Variants in HSPA12A observed in about 807,000 individuals in gnomAD.
HSPA12A encodes the protein heat shock protein family A (Hsp70) member 12A, also known as heat shock 70 kDa protein 12A.
Under a neutral mutation model 69.2 loss-of-function variants are expected in HSPA12A, and 28 were observed. The observed-to-expected ratio is 0.40, with a 90% confidence interval of 0.30 to 0.55. The LOEUF is 0.55. Ranked by LOEUF, HSPA12A falls within the 20% of genes least tolerant of loss-of-function variation. HSPA12A has a pLI of 0.38. For synonymous variants in HSPA12A, 345 were observed against 370.5 expected (o/e 0.93, Z 0.79); for missense variants, 686 against 900.7 (o/e 0.76, Z 3.05).
chr10:116,698,792 C>T (rs1554881250), intron 4 of HSPA12A, 53 bp from the exon 5 acceptor site: 7 of 1,438,912 alleles, frequency 4.9e-6, no homozygotes, highest in Admixed American at 1.7e-5. Flanking sequence ...AGAAACATGT[C>T]TCCTGGCTTT....
chr10:116,820,635 C>T (rs1845394743), intron 2 of HSPA12A, among the ~76,000 whole-genome samples: 1 of 152,050 alleles, frequency 6.6e-6, no homozygotes, highest in South Asian at 2.1e-4. Flanking sequence ...ATTGCTGTGG[C>T]TCTGAATGTG....
intron 3 of HSPA12A, among the ~76,000 whole-genome samples, chr10:116,704,921 C>A (rs1161710482): frequency 6.6e-6 from 1 of 152,216 alleles, no homozygotes; most frequent in Non-Finnish European, 1.5e-5. Flanking sequence ...ACTGCCCAGG[C>A]CCCTCCCCAG....
At chr10:116,728,148 G>A (rs1223365549) in intron 1 of HSPA12A, among the ~76,000 whole-genome samples, 1 of 151,988 alleles carries the variant, frequency 6.6e-6, no homozygotes, top group Non-Finnish European at 1.5e-5. Flanking sequence ...TCACCATGTT[G>A]GCCAGGCTGG....
chr10:116,768,305 C>T (rs531020440), intron 2 of HSPA12A, among the ~76,000 whole-genome samples: 2 of 152,246 alleles, frequency 1.3e-5, no homozygotes, highest in Admixed American at 1.3e-4. Context: ...GTAGGCAAAT[C>T]CATAGAGACA....
rs138518031 is a variant in HSPA12A at position 116,821,942 on chromosome 10, C to A, written c.91+12993G>T. Among the ~76,000 whole-genome samples, 36 of 152,324 alleles carry A rather than the reference C, an allele frequency of 2.4e-4. No individual in the cohort carries two copies. In the East Asian group the frequency reaches 6.6e-3, roughly 28 times the overall value. ...GTTGAATTAATGTAATCCAGATAAT[C>A]CAGGCCTAAGAGGAATCCGAATTAA... On this transcript the variant is annotated intron_variant, in intron 2 of 12. Transcript: ENST00000635765.
intron 2 of HSPA12A, among the ~76,000 whole-genome samples, chr10:116,810,296 T>A (rs891479592): frequency 1.3e-5 from 2 of 152,094 alleles, no homozygotes; most frequent in Non-Finnish European, 2.9e-5. Flanking sequence ...TCAAGCATTG[T>A]TCCCAGAGAC....
intron 2 of HSPA12A, among the ~76,000 whole-genome samples, chr10:116,813,764 G>A (rs915421743): frequency 7.5e-4 from 114 of 152,018 alleles, no homozygotes; most frequent in African/African-American, 2.8e-3. Context: ...AGCACCTGTA[G>A]TCCCAGCTAC....
intron 1 of HSPA12A, among the ~76,000 whole-genome samples, chr10:116,840,619 A>G (rs2133221799): frequency 6.6e-6 from 1 of 152,348 alleles, no homozygotes; most frequent in South Asian, 2.1e-4. Flanking sequence ...GAATAATTTT[A>G]CATCAAAAAG....
chr10:116,792,327 G>A (rs1415922760), intron 2 of HSPA12A, among the ~76,000 whole-genome samples: 1 of 148,988 alleles, frequency 6.7e-6, no homozygotes, highest in Non-Finnish European at 1.5e-5. Flanking sequence ...AGGAGGTTAA[G>A]AGACAAAGAG....
Position 116,675,195 on chromosome 10 carries a change from C to T in HSPA12A, c.1614G>A (p.Gly538=), listed in dbSNP as rs372980810. ...CCACGTAGCGGTTCAGCACGCCTAC[C>T]CCGTAGGTGAGCGGCGACCGGCGCA... ...IKVRRSPLTY[G]VGVLNRYVEG... Residue 538 remains glycine (G), a synonymous_variant, in exon 12 of 12, where the codon GGG becomes GGA. Coordinates refer to ENST00000369209, the MANE Select transcript of HSPA12A (RefSeq NM_025015.3). This position sits in a 1 kb window ranked among gnomAD's most constrained non-coding sequence, Gnocchi z 5.2. 129 of 1,613,738 alleles carry T rather than the reference C, an allele frequency of 8.0e-5. 2 individuals carry two copies. The Admixed American group carries it at 1.3e-3, about 16-fold the overall frequency.
intron 1 of HSPA12A, among the ~76,000 whole-genome samples, chr10:116,716,878 A>G (rs1589656170): frequency 6.6e-6 from 1 of 151,552 alleles, no homozygotes; most frequent in Non-Finnish European, 1.5e-5. Context: ...AATAAACACC[A>G]CCCTCCACCC....
intron 6 of HSPA12A, among the ~76,000 whole-genome samples, chr10:116,687,124 G>A (rs1234911538): frequency 6.6e-6 from 1 of 152,174 alleles, no homozygotes; most frequent in Non-Finnish European, 1.5e-5. Context: ...ACATCCTGAA[G>A]ACACTGAGGC....
At chr10:116,696,657 C>G (rs1849914880) in intron 5 of HSPA12A, among the ~76,000 whole-genome samples, 1 of 152,064 alleles carries the variant, frequency 6.6e-6, no homozygotes, top group Admixed American at 6.6e-5. Context: ...GTCACTCATT[C>G]CCCCACTAGA....
At chr10:116,731,239 A>T (rs919217801) in intron 1 of HSPA12A, among the ~76,000 whole-genome samples, 8 of 152,232 alleles carry the variant, frequency 5.3e-5, no homozygotes, top group African/African-American at 1.9e-4. Context: ...CTTGTGAGTA[A>T]GTAAACCTTC....
intron 6 of HSPA12A, among the ~76,000 whole-genome samples, chr10:116,685,230 G>A (rs1849544194): frequency 1.3e-5 from 2 of 152,124 alleles, no homozygotes; most frequent in South Asian, 4.1e-4. Context: ...GTCTCCTAAT[G>A]TCACACACTC....
intron 2 of HSPA12A, among the ~76,000 whole-genome samples, chr10:116,762,554 C>T (rs529628595): frequency 2.5e-4 from 38 of 152,208 alleles, no homozygotes; most frequent in African/African-American, 8.7e-4. Context: ...CTCTGGTCCT[C>T]TTTCTCGCCT....
intron 4 of HSPA12A, among the ~76,000 whole-genome samples, chr10:116,699,565 G>A (rs1338928932): frequency 7.9e-5 from 12 of 152,090 alleles, no homozygotes; most frequent in African/African-American, 2.4e-4. Flanking sequence ...GAGTGAAAAC[G>A]GGCATTGAGT....
intron 1 of HSPA12A, among the ~76,000 whole-genome samples, chr10:116,713,518 A>G (rs1406597631): frequency 6.6e-6 from 1 of 152,170 alleles, no homozygotes; most frequent in Non-Finnish European, 1.5e-5. Context: ...GACACGGGGT[A>G]GCAACTTCTT....
intron 1 of HSPA12A, chr10:116,849,559 CT>C: frequency 2.0e-6 from 3 of 1,532,210 alleles, no homozygotes; most frequent in Non-Finnish European, 2.6e-6. Flanking sequence ...AGCCTTAAAT[CT>C]CCTACCATGG....
Sources: allele counts gnomAD v4.1 joint callset (sites outside exome capture counted in the v4.1 genomes callset), GRCh38; gene constraint gnomAD v4.1.1; non-coding constraint Gnocchi (gnomAD v3.1); transcripts MANE v1.5; gene names NCBI Gene and HGNC (gene_info 2026-07-23, HGNC 2026-07-21).